The following PUM3 variants were observed in gnomAD, a reference collection of about 807,000 sequenced individuals.
PUM3 encodes the protein pumilio RNA binding family member 3.
In PUM3, 91 loss-of-function variants were observed where a neutral mutation model predicts 84.0. The ratio of observed to expected loss-of-function variants is 1.08; its 90% CI spans 0.91 to 1.29. The LOEUF (loss-of-function observed/expected upper bound fraction) is 1.29, where lower values mean the gene tolerates loss of function less well. Among genes scored for constraint, PUM3 ranks in the 50% most tolerant of loss-of-function variants. The pLI, the probability that PUM3 is intolerant of heterozygous loss-of-function variation, is 0.00. For missense variants in PUM3, 1,067 were observed against 767.5 expected (o/e 1.39, Z -4.61); for synonymous variants, 321 against 266.7 (o/e 1.20, Z -1.98).
Position 2,824,774 on chromosome 9 carries a change from T to C in PUM3, c.1077A>G (p.Ala359=). The C allele has an allele frequency of 1.3e-6, 2 of 1,587,182 alleles. No individual in the cohort carries two copies. Among genetic ancestry groups the C allele is most frequent in the Non-Finnish European group, 1.7e-6 (2 of 1,162,590 alleles). ...EAIREAVVYL[A]HTHDGARVAM... ...CCACTCTGGCGCCATCGTGTGTGTGTGCCAGGTAGACCACCGCTTCGCGGA... is the reference window on the plus strand; with the variant it reads ...CCACTCTGGCGCCATCGTGTGTGTGCGCCAGGTAGACCACCGCTTCGCGGA... The change falls in exon 11 of 18, where the codon GCA becomes GCG. Residue 359 remains alanine (A), a synonymous_variant. Transcript: ENST00000397885.
In PUM3 at chr9:2,831,344, T is replaced by G; in HGVS notation, c.517A>C (p.Ile173Leu). 6.3e-7 allele frequency: 1 copy of G among 1,598,672 alleles called. No homozygotes were observed. Among genetic ancestry groups the G allele is most frequent in the Non-Finnish European group, 8.5e-7 (1 of 1,170,986 alleles). ...QKLIQGKIKT[I>L]AFAHDSTRVI... ...CGAGTTGAATCGTGTGCAAATGCAA[T>G]CTGCAGGAAAAAGTTTGAGTTAGAC... The change falls in exon 6 of 18, where the codon ATT (isoleucine) becomes CTT (leucine). Residue 173 changes from isoleucine (I) to leucine (L), a missense_variant and splice_region_variant. Coordinates refer to ENST00000397885, the MANE Select transcript of PUM3 (RefSeq NM_014878.5).
At chr9:2,831,433 T>C in intron 5 of PUM3, 89 bp from the exon 6 acceptor site, 2 of 835,880 alleles carry the variant, frequency 2.4e-6, no homozygotes, top group Admixed American at 2.7e-5. Flanking sequence ...AATTTCTTGT[T>C]AGAAAAAAAG....
At chr9:2,843,640 A>G (rs570150876) in intron 1 of PUM3, among the ~76,000 whole-genome samples, 180 of 132,752 alleles carry the variant, frequency 1.4e-3, no homozygotes, top group South Asian at 2.6e-3. Flanking sequence ...GTGTAGTGGC[A>G]CGATCTTGGC....
At chr9:2,828,802 A>C in intron 8 of PUM3, 24 bp from the exon 9 acceptor site, 1 of 1,250,216 alleles carries the variant, frequency 8.0e-7, no homozygotes, top group Non-Finnish European at 1.2e-6. Context: ...AAACAATCAA[A>C]CCCCTCTAAA....
chr9:2,828,489 C>G (rs1408501418), intron 9 of PUM3, 186 bp downstream of exon 9: 4 of 543,588 alleles, frequency 7.4e-6, no homozygotes, highest in Non-Finnish European at 1.3e-5. Flanking sequence ...TTATAGGGTA[C>G]AATATCAGAA....
Position 2,838,521 on chromosome 9 carries a change from G to C in PUM3, c.-10-4C>G. ...TTTAACTTCCATCGTAGCAACTCTG[G>C]AAAACCAAAACCAAAACCAAAAACA... On this transcript the variant is annotated splice_polypyrimidine_tract_variant and splice_region_variant and intron_variant, in intron 1 of 17. Transcript: ENST00000397885. 1.9e-6 allele frequency: 3 copies of C among 1,607,524 alleles called. No individual in the cohort carries two copies. The highest frequency in any genetic ancestry group is 2.6e-6 in the Non-Finnish European group (3 of 1,174,250).
intron 9 of PUM3, 72 bp downstream of exon 9, chr9:2,828,603 G>C: frequency 7.9e-6 from 7 of 887,976 alleles, no homozygotes; most frequent in Non-Finnish European, 1.3e-5. Flanking sequence ...ACCTCTTCTG[G>C]GCAACAGTTA....
chr9:2,807,355 G>A (rs955782117), intron 17 of PUM3, among the ~76,000 whole-genome samples: 4 of 152,022 alleles, frequency 2.6e-5, no homozygotes, highest in Admixed American at 6.5e-5. Flanking sequence ...CAGCACTTTC[G>A]GAGGTCAAGA....
At chr9:2,843,266 C>G (rs1011507423) in intron 1 of PUM3, among the ~76,000 whole-genome samples, 1 of 152,154 alleles carries the variant, frequency 6.6e-6, no homozygotes, top group South Asian at 2.1e-4. Context: ...TCCTTCCTAG[C>G]TCCCATCTCA....
intron 3 of PUM3, among the ~76,000 whole-genome samples, chr9:2,834,721 G>A (rs571375156): frequency 6.6e-6 from 1 of 152,114 alleles, no homozygotes; most frequent in Non-Finnish European, 1.5e-5. Flanking sequence ...AACCTGCAAT[G>A]GTAGAATTAG....
chr9:2,824,526 A>G (rs1248308621), intron 11 of PUM3, among the ~76,000 whole-genome samples, 191 bp downstream of exon 11: 1 of 152,266 alleles, frequency 6.6e-6, no homozygotes, highest in African/African-American at 2.4e-5. Flanking sequence ...AAAGCAGAGG[A>G]AAGAAGAAAC....
Position 2,834,030 on chromosome 9 carries a change from C to A in PUM3, c.440+1G>T. The A allele has an allele frequency of 1.2e-6, 2 of 1,612,982 alleles. No individual in the cohort carries two copies. The highest frequency in any genetic ancestry group is 1.7e-6 in the Non-Finnish European group (2 of 1,179,534). ...ACAAAGGCATCTTTAGGTAGAATTA[C>A]CTTCTTAAAATCTCCCACATCTGCT... On this transcript the variant is annotated splice_donor_variant, in intron 4 of 17. Transcript: ENST00000397885. LOFTEE classifies it high-confidence loss of function.
chr9:2,815,929 C>A (rs1272752711), intron 13 of PUM3, among the ~76,000 whole-genome samples: 2 of 152,330 alleles, frequency 1.3e-5, no homozygotes, highest in Admixed American at 1.3e-4. Context: ...CTTCTGAAGA[C>A]ATCTTTGGCC....
chr9:2,825,201 T>G (rs1815779238), intron 10 of PUM3, among the ~76,000 whole-genome samples: 1 of 152,162 alleles, frequency 6.6e-6, no homozygotes, highest in African/African-American at 2.4e-5. Context: ...GAAAATGCTC[T>G]TCCCCAAAAG....
intron 13 of PUM3, among the ~76,000 whole-genome samples, chr9:2,818,256 T>C (rs1354020420): frequency 6.6e-6 from 1 of 152,204 alleles, no homozygotes; most frequent in East Asian, 1.9e-4. Context: ...CGTTTGTCAG[T>C]TACAGGAAAG....
chr9:2,840,534 C>A (rs927637851), intron 1 of PUM3, among the ~76,000 whole-genome samples: 1 of 152,230 alleles, frequency 6.6e-6, no homozygotes, highest in African/African-American at 2.4e-5. Context: ...ATTACTTTTG[C>A]CTTTGTTATT....
chr9:2,821,724 A>G (rs1333585048), intron 12 of PUM3, among the ~76,000 whole-genome samples: 1 of 152,294 alleles, frequency 6.6e-6, no homozygotes, highest in East Asian at 1.9e-4. Context: ...TTTAAAATGC[A>G]GGTATGAGCT....
chr9:2,836,885 T>C (rs1483746782), intron 3 of PUM3, among the ~76,000 whole-genome samples: 2 of 152,154 alleles, frequency 1.3e-5, no homozygotes, highest in Non-Finnish European at 2.9e-5. Context: ...GATGAACGAA[T>C]AAATTTTAGC....
At chr9:2,835,374 C>CGG (rs955425428) in intron 3 of PUM3, among the ~76,000 whole-genome samples, 5 of 152,094 alleles carry the variant, frequency 3.3e-5, no homozygotes, top group African/African-American at 1.2e-4. Context: ...GCCATCATCA[C>CGG]GCCATTGCAC....
Sources: gnomAD v4.1 joint callset for allele counts (sites outside exome capture counted in the v4.1 genomes callset) on GRCh38, gnomAD v4.1.1 for gene constraint, MANE v1.5 for transcripts, NCBI Gene and HGNC (gene_info 2026-07-23, HGNC 2026-07-21) for gene names.